CSMD1: variants seen among roughly 807,000 people sequenced by gnomAD.
The protein encoded by CSMD1 is CUB and Sushi multiple domains 1, also known as CUB and sushi domain-containing protein 1.
Under a neutral mutation model 417.5 loss-of-function variants are expected in CSMD1, and 213 were observed. The observed-to-expected ratio is 0.51, with a 90% CI of 0.46 to 0.57. CSMD1 has a LOEUF of 0.57. Among genes scored for constraint, CSMD1 ranks in the 20% least tolerant of loss-of-function variants. The pLI, the probability that CSMD1 is intolerant of heterozygous loss-of-function variation, is 0.00. For missense variants in CSMD1, 6,923 were observed against 4,529.7 expected (o/e 1.53, Z -15.17); for synonymous variants, 2,862 against 1,736.8 (o/e 1.65, Z -16.11).
intron 5 of CSMD1, among the ~76,000 whole-genome samples, chr8:3,811,587 G>C (rs1036862245): frequency 3.3e-5 from 5 of 152,046 alleles, no homozygotes; most frequent in African/African-American, 1.2e-4. Context: ...GGCCATCATG[G>C]GACAACCACA....
chr8:4,805,491 C>T (rs1397760175), intron 1 of CSMD1, among the ~76,000 whole-genome samples: 3 of 152,092 alleles, frequency 2.0e-5, no homozygotes, highest in South Asian at 2.1e-4. Flanking sequence ...GCGAGTGAAA[C>T]GCCACCACTC....
At chr8:3,896,318 C>T (rs977548035) in intron 5 of CSMD1, among the ~76,000 whole-genome samples, 1 of 152,090 alleles carries the variant, frequency 6.6e-6, no homozygotes, top group African/African-American at 2.4e-5. Context: ...AAATGTATTT[C>T]CAGATTTCCA....
intron 1 of CSMD1, among the ~76,000 whole-genome samples, chr8:4,819,456 A>C: frequency 6.6e-6 from 1 of 152,286 alleles, no homozygotes; most frequent in Middle Eastern, 3.4e-3. Flanking sequence ...TAGAAATATT[A>C]TTGCCAAATT....
chr8:3,990,379 C>G (rs1273752744), intron 5 of CSMD1, among the ~76,000 whole-genome samples: 1 of 151,906 alleles, frequency 6.6e-6, no homozygotes, highest in South Asian at 2.1e-4. Context: ...TCAACTCTGC[C>G]CTAAGAATGG....
At chr8:3,932,258 A>C (rs1388814476) in intron 5 of CSMD1, among the ~76,000 whole-genome samples, 1 of 150,572 alleles carries the variant, frequency 6.6e-6, no homozygotes, top group African/African-American at 2.4e-5. Context: ...AAATCGACGA[A>C]AGTAATAGTT....
Position 3,190,062 on chromosome 8 carries a change from C to T in CSMD1, c.5248G>A (p.Gly1750Arg). The change falls in exon 34 of 70, where the codon GGA (glycine) becomes AGA (arginine). Residue 1750 changes from glycine to arginine, a missense_variant. Transcript: ENST00000635120. ...QCSSVPEPRY[G>R]RRIGSEFSAG... ...GAAAACTCAGAACCAATTCTCCTTC[C>T]GTATCTGGGCTCGGGGACAGAGCTG... 2.5e-6 allele frequency: 4 copies of T among 1,595,736 alleles called. No homozygotes were observed. The highest frequency in any genetic ancestry group is 3.4e-6 in the Non-Finnish European group (4 of 1,171,254).
chr8:3,165,698 G>C (rs1317268787), intron 37 of CSMD1, among the ~76,000 whole-genome samples: 1 of 152,120 alleles, frequency 6.6e-6, no homozygotes, highest in African/African-American at 2.4e-5. Context: ...TCCCCAAAGT[G>C]CTGGGAGAAC....
intron 1 of CSMD1, among the ~76,000 whole-genome samples, chr8:4,709,414 T>C (rs1405456247): frequency 6.6e-6 from 1 of 152,120 alleles, no homozygotes; most frequent in Non-Finnish European, 1.5e-5. Flanking sequence ...AAGACTCTTT[T>C]TACTTGGGGC....
chr8:3,512,147 C>A (rs902121011), intron 10 of CSMD1, among the ~76,000 whole-genome samples: 6 of 152,196 alleles, frequency 3.9e-5, no homozygotes, highest in African/African-American at 1.4e-4. Flanking sequence ...GCTCATAGCA[C>A]CAAACATGTC....
At chr8:3,804,168 G>A (rs764631664) in intron 5 of CSMD1, among the ~76,000 whole-genome samples, 12 of 152,052 alleles carry the variant, frequency 7.9e-5, no homozygotes, top group Non-Finnish European at 8.8e-5. Flanking sequence ...CCGACCCCAG[G>A]TGATCTGCCC....
intron 25 of CSMD1, among the ~76,000 whole-genome samples, chr8:3,286,866 G>A (rs1225731336): frequency 1.3e-5 from 2 of 152,094 alleles, no homozygotes; most frequent in Non-Finnish European, 2.9e-5. Flanking sequence ...TGTTGCCATT[G>A]CTTTTGGTGT....
At chr8:4,252,188 T>TA (rs1803127211) in intron 3 of CSMD1, among the ~76,000 whole-genome samples, 1 of 152,110 alleles carries the variant, frequency 6.6e-6, no homozygotes, top group Non-Finnish European at 1.5e-5. Flanking sequence ...GGGAGATGGA[T>TA]AAAAAAGCTT....
intron 5 of CSMD1, among the ~76,000 whole-genome samples, chr8:3,760,359 A>T (rs1404435870): frequency 1.3e-5 from 2 of 152,194 alleles, no homozygotes; most frequent in African/African-American, 4.8e-5. Context: ...TGCTTCTGCT[A>T]AGAGTTAAAA....
At chr8:4,769,117 T>G (rs548048867) in intron 1 of CSMD1, among the ~76,000 whole-genome samples, 1 of 152,346 alleles carries the variant, frequency 6.6e-6, no homozygotes, top group South Asian at 2.1e-4. Context: ...GTTCAAAATC[T>G]ACTTGCTCTA....
intron 5 of CSMD1, among the ~76,000 whole-genome samples, chr8:3,855,197 A>T (rs1340684390): frequency 2.6e-5 from 4 of 152,236 alleles, no homozygotes. Flanking sequence ...ATGTATTATT[A>T]AAACTAATGG....
chr8:3,257,490 G>A (rs750034399), intron 26 of CSMD1, among the ~76,000 whole-genome samples: 4 of 152,192 alleles, frequency 2.6e-5, no homozygotes, highest in African/African-American at 7.2e-5. Flanking sequence ...TATGGATATG[G>A]ACAGTGACAG....
chr8:3,402,771 C>T (rs770022643), intron 15 of CSMD1, among the ~76,000 whole-genome samples: 1 of 152,098 alleles, frequency 6.6e-6, no homozygotes, highest in African/African-American at 2.4e-5. Context: ...TAACAACTCA[C>T]TCTTGCTTTA....
chr8:3,447,982 G>C (rs1021480917), intron 12 of CSMD1, among the ~76,000 whole-genome samples: 2 of 152,086 alleles, frequency 1.3e-5, no homozygotes, highest in African/African-American at 2.4e-5. Flanking sequence ...AGAAAGCAGA[G>C]CTGAGGAAAT....
At chr8:4,595,423 T>C (rs541405596) in intron 2 of CSMD1, among the ~76,000 whole-genome samples, 32 of 115,738 alleles carry the variant, frequency 2.8e-4, no homozygotes, top group African/African-American at 7.1e-4. Context: ...ACATTGTCAA[T>C]ATGCTAACAA....
Sources: allele counts gnomAD v4.1 joint callset (sites outside exome capture counted in the v4.1 genomes callset), GRCh38; gene constraint gnomAD v4.1.1; transcripts MANE v1.5; gene names NCBI Gene and HGNC (gene_info 2026-07-23, HGNC 2026-07-21).